GSAP: variants seen among roughly 807,000 people sequenced by gnomAD.
GSAP encodes gamma-secretase activating protein, also known as gamma-secretase-activating protein.
In GSAP, 118 loss-of-function variants were observed where a neutral mutation model predicts 131.7. The ratio of observed to expected loss-of-function variants is 0.90; its 90% CI spans 0.77 to 1.04. The LOEUF is 1.04. Among genes scored for constraint, GSAP ranks in the 50% least tolerant of loss-of-function variants. The probability of loss-of-function intolerance (pLI) is 0.00; values close to 1 mark genes in which losing one functional copy is unlikely to be tolerated. For synonymous variants in GSAP, 381 were observed against 363.4 expected (o/e 1.05, Z -0.55); for missense variants, 1,019 against 1,013.2 (o/e 1.01, Z -0.08).
chr7:77,311,238 A>C lies in GSAP; in HGVS notation c.*120T>G, dbSNP rs1584170524. ...TACCAACCTGAAACTCACATGGCTA[A>C]ACAATTATGGCTAAACTATTTTTGT... On this transcript the variant is annotated 3_prime_UTR_variant, in exon 31 of 31. Transcript: ENST00000257626. The C allele has an allele frequency of 5.8e-6, 4 of 688,508 alleles. No individual in the cohort carries two copies. In the East Asian group the frequency reaches 1.1e-4, roughly 18 times the overall value. The allele number at this position is 688,508 out of a possible 1,614,324, so 42.6% of individuals were successfully genotyped here. A position where few individuals can be genotyped will look rare whatever the true frequency, so the allele number is the denominator to read the frequency against.
intron 28 of GSAP, 142 bp downstream of exon 28, chr7:77,313,346 G>A (rs534038433): frequency 3.4e-6 from 2 of 596,630 alleles, no homozygotes; most frequent in African/African-American, 1.9e-5. Context: ...CTGGGGACGG[G>A]TGGGATTTCT....
intron 8 of GSAP, among the ~76,000 whole-genome samples, chr7:77,378,573 A>G (rs1319237731): frequency 6.6e-6 from 1 of 152,214 alleles, no homozygotes; most frequent in Non-Finnish European, 1.5e-5. Context: ...TAAATTTGAA[A>G]TATTTGTTTA....
At chr7:77,390,220 C>T (rs1335368233) in intron 5 of GSAP, among the ~76,000 whole-genome samples, 3 of 152,040 alleles carry the variant, frequency 2.0e-5, no homozygotes, top group African/African-American at 7.2e-5. Flanking sequence ...AAAATTTTCT[C>T]CCATTCTGTA....
intron 1 of GSAP, among the ~76,000 whole-genome samples, chr7:77,410,884 A>G (rs556254894): frequency 5.9e-5 from 9 of 152,280 alleles, no homozygotes; most frequent in Admixed American, 2.6e-4. Context: ...GATTATACCT[A>G]TAACATTCCT....
chr7:77,412,975 A>C (rs1361785136), intron 1 of GSAP, among the ~76,000 whole-genome samples: 1 of 152,056 alleles, frequency 6.6e-6, no homozygotes, highest in Non-Finnish European at 1.5e-5. Flanking sequence ...CATTCTAGAG[A>C]AACATATGCC....
intron 23 of GSAP, among the ~76,000 whole-genome samples, chr7:77,325,769 C>T (rs761500451): frequency 2.0e-5 from 3 of 152,160 alleles, no homozygotes; most frequent in Non-Finnish European, 4.4e-5. Flanking sequence ...CAGGGTTTCA[C>T]CATGTTGGCC....
intron 8 of GSAP, among the ~76,000 whole-genome samples, chr7:77,379,408 C>T (rs1042119326): frequency 6.6e-6 from 1 of 151,558 alleles, no homozygotes. Context: ...TATACTTATG[C>T]TGTGTGAAGC....
intron 12 of GSAP, among the ~76,000 whole-genome samples, chr7:77,369,101 C>A (rs770235780): frequency 6.6e-6 from 1 of 152,120 alleles, no homozygotes; most frequent in Non-Finnish European, 1.5e-5. Context: ...TAATCGGGAA[C>A]TTGTGAAGAG....
At chr7:77,315,681 C>T (rs1403138772) in intron 26 of GSAP, 1 of 152,210 alleles carries the variant, frequency 6.6e-6, no homozygotes, top group Non-Finnish European at 1.5e-5. Context: ...CTGTTAATAA[C>T]TGGCAGCTGT....
chr7:77,387,568 A>T (rs1487675455), intron 5 of GSAP, 120 bp from the exon 6 acceptor site: 1 of 635,702 alleles, frequency 1.6e-6, no homozygotes, highest in East Asian at 2.8e-5. Context: ...AACTAATAAA[A>T]CAATTCTACC....
intron 22 of GSAP, chr7:77,327,549 G>A (rs1788502762): frequency 6.6e-6 from 1 of 152,240 alleles, no homozygotes; most frequent in African/African-American, 2.4e-5. Context: ...GCTGGAGGAG[G>A]TGCAGCAATG....
At chr7:77,370,231 G>A (rs1319946011) in intron 12 of GSAP, among the ~76,000 whole-genome samples, 1 of 152,210 alleles carries the variant, frequency 6.6e-6, no homozygotes, top group Non-Finnish European at 1.5e-5. Flanking sequence ...GCCAAGATGT[G>A]TGGATCATCT....
Position 77,328,241 on chromosome 7 carries a change from C to T in GSAP, c.1765+365G>A, listed in dbSNP as rs540482579. On this transcript the variant is annotated intron_variant, in intron 22 of 30. Coordinates refer to ENST00000257626, the MANE Select transcript of GSAP (RefSeq NM_017439.4). Reference sequence around the variant, plus strand: ...ACCCAAATGAGAGGCACAAACAAGGCAAGACCCGGTAGGATCAGACAGCTA... The same window carrying T: ...ACCCAAATGAGAGGCACAAACAAGGTAAGACCCGGTAGGATCAGACAGCTA... 236 of 1,032,194 alleles carry T rather than the reference C, an allele frequency of 2.3e-4. 1 individual carries two copies. Among genetic ancestry groups the T allele is most frequent in the Middle Eastern group, 1.4e-3 (3 of 2,148 alleles). 63.9% of individuals were successfully genotyped at this position (1,032,194 alleles called of 1,614,324 possible).
At chr7:77,327,814 C>T (rs1446965790) in intron 22 of GSAP, among the ~76,000 whole-genome samples, 1 of 152,058 alleles carries the variant, frequency 6.6e-6, no homozygotes, top group Non-Finnish European at 1.5e-5. Flanking sequence ...TTCCAACCTC[C>T]CTCCCTCCTC....
At chr7:77,370,627 A>G (rs746845295) in intron 12 of GSAP, among the ~76,000 whole-genome samples, 3 of 152,188 alleles carry the variant, frequency 2.0e-5, no homozygotes, top group Non-Finnish European at 4.4e-5. Context: ...ATATGCTGTG[A>G]GCATTCAAAC....
At chr7:77,356,351 T>G (rs1793726992) in intron 14 of GSAP, among the ~76,000 whole-genome samples, 1 of 152,244 alleles carries the variant, frequency 6.6e-6, no homozygotes, top group Non-Finnish European at 1.5e-5. Flanking sequence ...ACACGAATTA[T>G]TCCTTAATTT....
At chr7:77,382,959 G>T (rs530417411) in intron 6 of GSAP, among the ~76,000 whole-genome samples, 28 of 152,306 alleles carry the variant, frequency 1.8e-4, no homozygotes, top group African/African-American at 6.7e-4. Context: ...GCCAAGACAG[G>T]CAGATCACTT....
rs564374761 is a variant in GSAP, at chr7:77,392,499, G to C, written c.367+4483C>G. 2.0e-5 allele frequency among the ~76,000 whole-genome samples: 3 copies of C among 152,110 alleles called. No homozygotes were observed. The East Asian group carries it at 5.8e-4, about 29-fold the overall frequency. ...GAAGTTGGAGGTTGCAGTGAGCTGA[G>C]ATCACACCACTGCACTCCAGCCTGG... is the stretch of plus-strand genomic sequence containing the variant. On this transcript the variant is annotated intron_variant, in intron 5 of 30. Transcript: ENST00000257626.
chr7:77,333,756 T>C (rs1789523714), intron 19 of GSAP, among the ~76,000 whole-genome samples: 1 of 152,154 alleles, frequency 6.6e-6, no homozygotes, highest in Non-Finnish European at 1.5e-5. Flanking sequence ...ACCAGCATGC[T>C]CATTATCCCA....
Sources: gnomAD v4.1 joint callset for allele counts (sites outside exome capture counted in the v4.1 genomes callset) on GRCh38, gnomAD v4.1.1 for gene constraint, MANE v1.5 for transcripts, NCBI Gene and HGNC (gene_info 2026-07-23, HGNC 2026-07-21) for gene names.